Variants in SASH1 observed in about 807,000 individuals in gnomAD.
SASH1 encodes SAM and SH3 domain-containing protein 1.
A neutral mutation model predicts 125.2 loss-of-function variants in SASH1; 44 were observed. That is an observed-to-expected ratio of 0.35 (90% CI 0.28 to 0.45). The LOEUF is 0.45. Among genes scored for constraint, SASH1 ranks in the 20% least tolerant of loss-of-function variants. The pLI, the probability that SASH1 is intolerant of heterozygous loss-of-function variation, is 1.00. For missense variants in SASH1, 1,426 were observed against 1,614.5 expected, an observed-to-expected ratio of 0.88 and a Z score of 2.00; for synonymous variants, 639 against 649.1, an observed-to-expected ratio of 0.98 and a Z score of 0.24.
intron 8 of SASH1, among the ~76,000 whole-genome samples, chr6:148,500,554 A>T (rs1721004771): frequency 6.6e-6 from 1 of 152,192 alleles, no homozygotes; most frequent in Non-Finnish European, 1.5e-5. Flanking sequence ...CACTGCTGTT[A>T]GGTCAGAAAA....
intron 4 of SASH1, among the ~76,000 whole-genome samples, chr6:148,454,374 A>G (rs1777239850): frequency 6.6e-6 from 1 of 152,232 alleles, no homozygotes; most frequent in African/African-American, 2.4e-5. Context: ...ATTTCATGTA[A>G]AATCTCTCTT....
At chr6:148,253,873 A>G in the SASH1 span, among the ~76,000 whole-genome samples, 1 of 152,068 alleles carries the variant, frequency 6.6e-6, no homozygotes, top group Non-Finnish European at 1.5e-5. Flanking sequence ...TCTGTCTCAA[A>G]AATAAATAAA....
At chr6:148,510,798 A>C (rs1780070642) in intron 8 of SASH1, among the ~76,000 whole-genome samples, 1 of 151,916 alleles carries the variant, frequency 6.6e-6, no homozygotes, top group South Asian at 2.1e-4. Flanking sequence ...GGAGTTCAAG[A>C]CCAGCCTGGC....
intron 1 of SASH1, among the ~76,000 whole-genome samples, chr6:148,365,599 C>T (rs1334571551): frequency 6.6e-6 from 1 of 152,004 alleles, no homozygotes; most frequent in African/African-American, 2.4e-5. Context: ...TCCTTAAGCA[C>T]CTTTGATGTC....
At chr6:148,520,640 G>C (rs531669389) in intron 10 of SASH1, among the ~76,000 whole-genome samples, 6 of 152,162 alleles carry the variant, frequency 3.9e-5, no homozygotes, top group African/African-American at 1.4e-4. Context: ...AATCCAGAGA[G>C]GGGCTTCCAG....
chr6:148,423,020 C>A (rs1259071825), intron 2 of SASH1, among the ~76,000 whole-genome samples: 1 of 152,182 alleles, frequency 6.6e-6, no homozygotes. Flanking sequence ...CTTACTGCAA[C>A]CTCTGCCTCC....
intron 1 of SASH1, among the ~76,000 whole-genome samples, chr6:148,281,574 C>T (rs542776870): frequency 6.6e-6 from 1 of 152,200 alleles, no homozygotes; most frequent in East Asian, 1.9e-4. Context: ...ATGGTTCTGT[C>T]AGAGCTCGGA....
intron 1 of SASH1, among the ~76,000 whole-genome samples, chr6:148,369,394 G>T (rs1201280809): frequency 1.3e-5 from 2 of 152,132 alleles, no homozygotes; most frequent in African/African-American, 4.8e-5. Context: ...TTTGAAGATA[G>T]TTTAAGAGTT....
In SASH1 at chr6:148,548,945, T is replaced by C. The variant is rs1782734255; in HGVS notation, c.*387T>C. 1 of 178,684 alleles carries C rather than the reference T, an allele frequency of 5.6e-6. No homozygotes were observed. The highest frequency in any genetic ancestry group is 2.4e-5 in the African/African-American group (1 of 42,280). The allele number at this position is 178,684 out of a possible 1,614,324, so 11.1% of individuals were successfully genotyped here. A position where few individuals can be genotyped will look rare whatever the true frequency, so the allele number is the denominator to read the frequency against. On this transcript the variant is annotated 3_prime_UTR_variant, in exon 20 of 20. Transcript: ENST00000367467. ...AGTGCCCTTGCTCTTCTGTCTGTCATCTTGCAGGATGCCCGAGGGCCAGAT... is the reference window on the plus strand; with the variant it reads ...AGTGCCCTTGCTCTTCTGTCTGTCACCTTGCAGGATGCCCGAGGGCCAGAT...
At chr6:148,319,037 T>C (rs1183529404) in intron 1 of SASH1, among the ~76,000 whole-genome samples, 4 of 127,620 alleles carry the variant, frequency 3.1e-5, no homozygotes, top group Non-Finnish European at 6.7e-5. Flanking sequence ...TTTTTTTTTT[T>C]TTTTTTTTTT....
intron 2 of SASH1, among the ~76,000 whole-genome samples, chr6:148,421,051 T>G (rs1394324778): frequency 6.7e-6 from 1 of 149,576 alleles, no homozygotes; most frequent in Non-Finnish European, 1.5e-5. Context: ...GCCACTGCAC[T>G]CCAGTCTGGG....
chr6:148,466,455 C>T (rs1777841250), intron 4 of SASH1, among the ~76,000 whole-genome samples: 1 of 152,218 alleles, frequency 6.6e-6, no homozygotes, highest in Non-Finnish European at 1.5e-5. Context: ...TTAAAGGCTG[C>T]TCTGCGTGAA....
intron 4 of SASH1, among the ~76,000 whole-genome samples, chr6:148,458,983 T>TACACAC (rs71004297): frequency 1.0e-3 from 139 of 137,956 alleles, no homozygotes; most frequent in African/African-American, 3.2e-3. Context: ...AAAAAAAGTA[T>TACACAC]ACACACACAC....
chr6:148,473,684 T>A (rs1778216754), intron 6 of SASH1, among the ~76,000 whole-genome samples: 1 of 152,208 alleles, frequency 6.6e-6, no homozygotes, highest in Non-Finnish European at 1.5e-5. Context: ...AAATATTTTC[T>A]TCTCATTTGT....
At position 148,367,143 on chromosome 6, in the gene SASH1, C is replaced by T. The variant is rs568796596; in HGVS notation, c.157-22991C>T. 5.2e-4 allele frequency among the ~76,000 whole-genome samples: 79 copies of T among 152,004 alleles called. 1 individual carries two copies. The highest frequency in any genetic ancestry group is 7.9e-4 in the Non-Finnish European group (54 of 67,970). ...TTCACCACATTGGCCAGGCTGGTCTCGAACTCCTGACCTCAGGTGATCCAC... is the reference window on the plus strand; with the variant it reads ...TTCACCACATTGGCCAGGCTGGTCTTGAACTCCTGACCTCAGGTGATCCAC... On this transcript the variant is annotated intron_variant, in intron 1 of 19. Transcript: ENST00000367467.
At chr6:148,217,742 C>T in the SASH1 span, among the ~76,000 whole-genome samples, 19 of 151,646 alleles carry the variant, frequency 1.3e-4, no homozygotes, top group South Asian at 4.2e-4. Context: ...CACTGGCTCT[C>T]GCCTATAATC....
intron 2 of SASH1, among the ~76,000 whole-genome samples, chr6:148,428,168 C>T (rs1248860527): frequency 1.3e-5 from 2 of 152,194 alleles, no homozygotes; most frequent in Non-Finnish European, 2.9e-5. Context: ...CCTGGGCCTA[C>T]TCTACTTTGT....
chr6:148,327,476 G>T (rs1757372743), intron 1 of SASH1, among the ~76,000 whole-genome samples: 2 of 150,726 alleles, frequency 1.3e-5, no homozygotes. Flanking sequence ...GTAGAGACGG[G>T]GTTTCACCAT....
chr6:148,200,792 A>C, the SASH1 span, among the ~76,000 whole-genome samples: 1 of 152,228 alleles, frequency 6.6e-6, no homozygotes, highest in African/African-American at 2.4e-5. Flanking sequence ...GACATAGAAG[A>C]GAGATTCTCT....
Sources: allele counts gnomAD v4.1 joint callset (sites outside exome capture counted in the v4.1 genomes callset), GRCh38; gene constraint gnomAD v4.1.1; transcripts MANE v1.5; gene names NCBI Gene and HGNC (gene_info 2026-07-23, HGNC 2026-07-21).